TENM3: variants seen among roughly 807,000 people sequenced by gnomAD.
The protein encoded by TENM3 is teneurin transmembrane protein 3, also known as teneurin-3.
Under a neutral mutation model 255.1 loss-of-function variants are expected in TENM3, and 63 were observed. The ratio of observed to expected loss-of-function variants is 0.25; its 90% confidence interval spans 0.20 to 0.30. The LOEUF is 0.30. Among genes scored for constraint, TENM3 ranks in the 10% least tolerant of loss-of-function variants. The pLI is 1.00. For synonymous variants in TENM3, 1,306 were observed against 1,322.3 expected, an observed-to-expected ratio of 0.99 and a Z score of 0.27; for missense variants, 2,929 against 3,461.1, an observed-to-expected ratio of 0.85 and a Z score of 3.86.
intron 2 of TENM3, among the ~76,000 whole-genome samples, chr4:182,344,989 A>C (rs1389159500): frequency 1.3e-5 from 2 of 152,200 alleles, no homozygotes; most frequent in Non-Finnish European, 2.9e-5. Flanking sequence ...TTCAACGCAC[A>C]GGCGCTTTTT....
At chr4:181,970,064 A>C in the TENM3 span, among the ~76,000 whole-genome samples, 4 of 152,212 alleles carry the variant, frequency 2.6e-5, no homozygotes, top group Admixed American at 1.3e-4. Flanking sequence ...TCAGAAAGCC[A>C]ATCTCTGAAC....
intron 3 of TENM3, among the ~76,000 whole-genome samples, chr4:182,439,559 G>A (rs1273929015): frequency 6.6e-6 from 1 of 152,154 alleles, no homozygotes; most frequent in Non-Finnish European, 1.5e-5. Context: ...CACATAATAG[G>A]CATTCAATAA....
chr4:182,719,322 C>T (rs538166052), intron 13 of TENM3, among the ~76,000 whole-genome samples: 9 of 116,150 alleles, frequency 7.7e-5, no homozygotes, highest in African/African-American at 3.0e-4. Context: ...AGTGCAATGG[C>T]GTGGTCTCGG....
chr4:182,129,460 A>T, the TENM3 span, among the ~76,000 whole-genome samples: 1 of 152,190 alleles, frequency 6.6e-6, no homozygotes, highest in Non-Finnish European at 1.5e-5. Flanking sequence ...ATTATATATG[A>T]TCAAAATGTT....
At chr4:181,739,918 A>G in the TENM3 span, among the ~76,000 whole-genome samples, 4 of 152,266 alleles carry the variant, frequency 2.6e-5, no homozygotes, top group African/African-American at 9.6e-5. Context: ...ATCACTTGGC[A>G]TCATCTGTTG....
chr4:182,373,473 AG>A (rs1402469552), intron 3 of TENM3, among the ~76,000 whole-genome samples: 1 of 152,204 alleles, frequency 6.6e-6, no homozygotes, highest in Non-Finnish European at 1.5e-5. Context: ...GGAGGACGGA[AG>A]GGGAGTTGAA....
intron 22 of TENM3, among the ~76,000 whole-genome samples, chr4:182,762,953 A>C (rs1763331353): frequency 6.6e-6 from 1 of 151,918 alleles, no homozygotes; most frequent in South Asian, 2.1e-4. Flanking sequence ...CTAGACTTCA[A>C]GTTCATCCCA....
At chr4:182,543,512 G>T (rs1482967088) in intron 3 of TENM3, among the ~76,000 whole-genome samples, 1 of 152,104 alleles carries the variant, frequency 6.6e-6, no homozygotes, top group Non-Finnish European at 1.5e-5. Flanking sequence ...AGCACAAGGA[G>T]ACCAGCATTC....
At chr4:182,177,857 A>G (rs1752596112) in intron 1 of TENM3, among the ~76,000 whole-genome samples, 2 of 151,972 alleles carry the variant, frequency 1.3e-5, no homozygotes, top group Admixed American at 1.3e-4. Flanking sequence ...TTCAGATGAG[A>G]CAACATTTAA....
the TENM3 span, among the ~76,000 whole-genome samples, chr4:181,565,167 T>C: frequency 6.6e-6 from 1 of 152,242 alleles, no homozygotes; most frequent in Non-Finnish European, 1.5e-5. Flanking sequence ...GTCAAATAAT[T>C]CCCTGAGTTA....
At chr4:181,921,672 A>G in the TENM3 span, among the ~76,000 whole-genome samples, 1 of 152,216 alleles carries the variant, frequency 6.6e-6, no homozygotes, top group Non-Finnish European at 1.5e-5. Context: ...CAATCATGTC[A>G]TCTTCAAACA....
chr4:181,762,683 C>T, the TENM3 span, among the ~76,000 whole-genome samples: 1 of 152,268 alleles, frequency 6.6e-6, no homozygotes, highest in African/African-American at 2.4e-5. Flanking sequence ...CTGGCCAGGA[C>T]ATTACTGCAA....
chr4:182,503,955 T>G (rs1271801048), intron 3 of TENM3, among the ~76,000 whole-genome samples: 1 of 152,144 alleles, frequency 6.6e-6, no homozygotes, highest in Non-Finnish European at 1.5e-5. Flanking sequence ...TTCCCTTCCC[T>G]GATTTATTTT....
chr4:181,896,546 T>C, the TENM3 span, among the ~76,000 whole-genome samples: 1 of 152,278 alleles, frequency 6.6e-6, no homozygotes, highest in African/African-American at 2.4e-5. Context: ...CCCAGATGCA[T>C]CTCAAAGCCA....
At chr4:181,961,655 G>A in the TENM3 span, among the ~76,000 whole-genome samples, 3,636 of 152,110 alleles carry the variant, frequency 0.024, 151 homozygotes, top group African/African-American at 0.079. Context: ...TCCTGACCTC[G>A]TGATCCACCC....
At chr4:182,537,105 G>C (rs1342134848) in intron 3 of TENM3, among the ~76,000 whole-genome samples, 1 of 152,214 alleles carries the variant, frequency 6.6e-6, no homozygotes, top group African/African-American at 2.4e-5. Flanking sequence ...TGTGAATGAA[G>C]TGTTAGGAGC....
At chr4:181,937,438 T>C in the TENM3 span, among the ~76,000 whole-genome samples, 3 of 152,200 alleles carry the variant, frequency 2.0e-5, no homozygotes, top group African/African-American at 7.2e-5. Flanking sequence ...GCAGGGCATC[T>C]AGGCTGATGG....
chr4:182,254,186 G>A (rs1758223271), intron 1 of TENM3, among the ~76,000 whole-genome samples: 1 of 152,178 alleles, frequency 6.6e-6, no homozygotes, highest in African/African-American at 2.4e-5. Context: ...TACATGTGCA[G>A]TGTAAAACAA....
intron 3 of TENM3, among the ~76,000 whole-genome samples, chr4:182,543,667 A>G (rs775902692): frequency 2.9e-4 from 39 of 133,912 alleles, no homozygotes; most frequent in Non-Finnish European, 5.8e-4. Flanking sequence ...ACATATTTTC[A>G]TATATATATA....
Sources: allele counts gnomAD v4.1 joint callset (sites outside exome capture counted in the v4.1 genomes callset), GRCh38; gene constraint gnomAD v4.1.1; transcripts MANE v1.5; gene names NCBI Gene and HGNC (gene_info 2026-07-23, HGNC 2026-07-21).